The following B4GALT1 variants were observed in gnomAD, a reference collection of about 807,000 sequenced individuals.
B4GALT1 encodes the protein N-acetyllactosamine synthase.
A neutral mutation model predicts 34.9 loss-of-function variants in B4GALT1; 16 were observed. The observed-to-expected ratio is 0.46, with a 90% CI of 0.31 to 0.70. B4GALT1 has a LOEUF of 0.70. B4GALT1 is among the 30% of genes least tolerant of loss of function. The probability of loss-of-function intolerance (pLI) is 0.05; values close to 1 mark genes in which losing one functional copy is unlikely to be tolerated. For missense variants in B4GALT1, 445 were observed against 530.5 expected, an observed-to-expected ratio of 0.84 and a Z score of 1.58; for synonymous variants, 221 against 218.1, an observed-to-expected ratio of 1.01 and a Z score of -0.12.
intron 2 of B4GALT1, among the ~76,000 whole-genome samples, chr9:33,126,348 C>G (rs7850730): frequency 0.98 from 149,272 of 152,298 alleles, 73,198 homozygotes; most frequent in East Asian, 1. Flanking sequence ...TTACTGGAAA[C>G]AGCCTGGGAT....
intron 1 of B4GALT1, among the ~76,000 whole-genome samples, chr9:33,156,679 G>A (rs1840598254): frequency 6.6e-6 from 1 of 152,080 alleles, no homozygotes; most frequent in African/African-American, 2.4e-5. Context: ...CATACACCAG[G>A]GCTATTACAT....
At position 33,147,741 on chromosome 9, in the gene B4GALT1, G is replaced by C. The variant is rs552437437; in HGVS notation, c.413-12317C>G. 8.5e-5 allele frequency among the ~76,000 whole-genome samples: 13 copies of C among 152,322 alleles called. No homozygotes were observed. The South Asian group carries it at 1.7e-3, about 19-fold the overall frequency. ...AAAACAATGGGAAAAATAGTTTTAT[G>C]TTGCAACAAAATACAGCATGAGCAA... On this transcript the variant is annotated intron_variant, in intron 1 of 5. Coordinates refer to ENST00000379731, the MANE Select transcript of B4GALT1 (RefSeq NM_001497.4).
intron 4 of B4GALT1, among the ~76,000 whole-genome samples, chr9:33,115,499 A>G (rs572741086): frequency 6.6e-6 from 1 of 152,340 alleles, no homozygotes; most frequent in Admixed American, 6.5e-5. Flanking sequence ...GACAGAACTG[A>G]CCAGGCCATA....
intron 1 of B4GALT1, among the ~76,000 whole-genome samples, chr9:33,166,286 C>T (rs907942410): frequency 6.6e-6 from 1 of 152,052 alleles, no homozygotes; most frequent in African/African-American, 2.4e-5. Context: ...GAGAAAAACC[C>T]ACTCAGGAGA....
chr9:33,128,437 C>A (rs551917596), intron 2 of B4GALT1, among the ~76,000 whole-genome samples: 3 of 152,190 alleles, frequency 2.0e-5, no homozygotes, highest in Admixed American at 2.0e-4. Context: ...TGGCATTTCC[C>A]AGAACAATGT....
At chr9:33,143,376 G>C (rs1840381083) in intron 1 of B4GALT1, among the ~76,000 whole-genome samples, 2 of 152,182 alleles carry the variant, frequency 1.3e-5, no homozygotes, top group Non-Finnish European at 2.9e-5. Context: ...ACCACTGACT[G>C]ACCTCAGTGG....
Position 33,113,040 on chromosome 9 carries a change from C to T in B4GALT1, c.*414G>A, listed in dbSNP as rs41274019. ...TAAATTACAACTACCAAAAAGATCA[C>T]ACCAATCCAATTTTAGCAGCACTCT... is the stretch of plus-strand genomic sequence containing the variant. On this transcript the variant is annotated 3_prime_UTR_variant, in exon 6 of 6. Transcript: ENST00000379731. The T allele has an allele frequency of 7.1e-6, 2 of 282,536 alleles. No homozygotes were observed. Among genetic ancestry groups the T allele is most frequent in the Non-Finnish European group, 1.4e-5 (2 of 143,508 alleles). The allele number at this position is 282,536 out of a possible 1,614,324, so 17.5% of individuals were successfully genotyped here. A position where few individuals can be genotyped will look rare whatever the true frequency, so the allele number is the denominator to read the frequency against.
chr9:33,123,076 G>C (rs1840044558), intron 2 of B4GALT1, among the ~76,000 whole-genome samples: 1 of 152,090 alleles, frequency 6.6e-6, no homozygotes, highest in African/African-American at 2.4e-5. Flanking sequence ...TCAGGAGTTT[G>C]AGACCAGCCT....
At chr9:33,152,124 G>C (rs2118251182) in intron 1 of B4GALT1, among the ~76,000 whole-genome samples, 1 of 152,160 alleles carries the variant, frequency 6.6e-6, no homozygotes, top group Non-Finnish European at 1.5e-5. Flanking sequence ...GACCTACATA[G>C]TGAAACCCCG....
At chr9:33,160,632 C>T (rs1197806912) in intron 1 of B4GALT1, among the ~76,000 whole-genome samples, 1 of 152,010 alleles carries the variant, frequency 6.6e-6, no homozygotes, top group Non-Finnish European at 1.5e-5. Context: ...TCAGGCATGG[C>T]GGTGTGCACC....
At position 33,110,668 on chromosome 9, in the gene B4GALT1, G is replaced by A. The variant is rs190731618; in HGVS notation, c.*2786C>T. 3 of 152,018 alleles carry A rather than the reference G, an allele frequency of 2.0e-5. No individual in the cohort carries two copies. The highest frequency in any genetic ancestry group is 2.1e-4 in the South Asian group (1 of 4,826). The allele number at this position is 152,018 out of a possible 1,614,324, so 9.4% of individuals were successfully genotyped here. A position where few individuals can be genotyped will look rare whatever the true frequency, so the allele number is the denominator to read the frequency against. Reference sequence around the variant, plus strand: ...TACAAAGATAGGGTCATTTATTCACGTTATATTATTTAATTTTAAAGGCAA... The same window carrying A: ...TACAAAGATAGGGTCATTTATTCACATTATATTATTTAATTTTAAAGGCAA... On this transcript the variant is annotated 3_prime_UTR_variant, in exon 6 of 6. Transcript: ENST00000379731.
rs1840000856 is a variant in B4GALT1, at chr9:33,120,212, G to GGC, written c.836+206_836+207insGC. On this transcript the variant is annotated intron_variant, in intron 3 of 5. Transcript: ENST00000379731. ...AAACAAACAAAAAAAAAAAAGGGGG[G>GGC]AAAATTTGTTTTTGTCTGGATGTGC... Among the ~76,000 whole-genome samples the GGC allele has an allele frequency of 2.6e-5, 4 of 151,848 alleles. 1 individual carries two copies. The highest frequency in any genetic ancestry group is 2.0e-4 in the Admixed American group (3 of 15,230).
At chr9:33,152,997 G>C (rs948408138) in intron 1 of B4GALT1, among the ~76,000 whole-genome samples, 1 of 152,132 alleles carries the variant, frequency 6.6e-6, no homozygotes, top group African/African-American at 2.4e-5. Context: ...CCAGGAGTTC[G>C]AGTCCAGCCT....
Position 33,148,804 on chromosome 9 carries a change from T to TAAAAAAA in B4GALT1, c.413-13387_413-13381dup, listed in dbSNP as rs72391353. On this transcript the variant is annotated intron_variant, in intron 1 of 5. Transcript: ENST00000379731. The stretch of plus-strand genomic sequence containing the variant: ...TGGAACTTCTTGCTGTGCCTAAAAG[T>TAAAAAAA]AAAAAAAAAAAAAAAAATGCTCAAA... Among the ~76,000 whole-genome samples the TAAAAAAA allele has an allele frequency of 5.0e-3, 634 of 127,690 alleles. 10 individuals carry two copies. Among genetic ancestry groups the TAAAAAAA allele is most frequent in the African/African-American group, 0.016 (557 of 35,206 alleles). 83.8% of individuals were successfully genotyped at this position (127,690 alleles called of 152,430 possible).
At chr9:33,135,113 G>C in intron 2 of B4GALT1, 76 bp downstream of exon 2, 2 of 1,408,916 alleles carry the variant, frequency 1.4e-6, no homozygotes, top group Non-Finnish European at 2.0e-6. Flanking sequence ...CCCTTCCCCT[G>C]CCCTCATTAC....
intron 1 of B4GALT1, among the ~76,000 whole-genome samples, chr9:33,146,464 C>T (rs1351268681): frequency 6.6e-6 from 1 of 152,186 alleles, no homozygotes; most frequent in South Asian, 2.1e-4. Flanking sequence ...GCTGGGGCAG[C>T]CACCTGTGTC....
At chr9:33,126,662 A>ATTGTTAACATTGTTCACTATCGTTAACC in intron 2 of B4GALT1, among the ~76,000 whole-genome samples, 1 of 45,224 alleles carries the variant, frequency 2.2e-5, no homozygotes. Flanking sequence ...TAACCATAGC[A>ATTGTTAACATTGTTCACTATCGTTAACC]ATATGGTAGC....
At chr9:33,184,679 C>T in the B4GALT1 span, among the ~76,000 whole-genome samples, 1 of 152,164 alleles carries the variant, frequency 6.6e-6, no homozygotes, top group African/African-American at 2.4e-5. Context: ...AACAAGCTCT[C>T]GGGCAATACC....
chr9:33,175,194 G>A, the B4GALT1 span, among the ~76,000 whole-genome samples: 1 of 149,420 alleles, frequency 6.7e-6, no homozygotes, highest in East Asian at 2.0e-4. Flanking sequence ...CATACCTGTA[G>A]TCCTAGCTAC....
Sources: gnomAD v4.1 joint callset for allele counts (sites outside exome capture counted in the v4.1 genomes callset) on GRCh38, gnomAD v4.1.1 for gene constraint, MANE v1.5 for transcripts, NCBI Gene and HGNC (gene_info 2026-07-23, HGNC 2026-07-21) for gene names.